TSPAN9: variants seen among roughly 807,000 people sequenced by gnomAD.
The protein encoded by TSPAN9 is tetraspanin 9, also known as tetraspanin-9.
In TSPAN9, 16 loss-of-function variants were observed where a neutral mutation model predicts 31.0. The ratio of observed to expected loss-of-function variants is 0.52; its 90% confidence interval spans 0.35 to 0.78. TSPAN9 has a LOEUF of 0.78. TSPAN9 is among the 30% of genes least tolerant of loss of function. The probability of loss-of-function intolerance (pLI) is 0.01; values close to 1 mark genes in which losing one functional copy is unlikely to be tolerated. For synonymous variants in TSPAN9, 145 were observed against 121.6 expected, an observed-to-expected ratio of 1.19 and a Z score of -1.27; for missense variants, 272 against 312.5, an observed-to-expected ratio of 0.87 and a Z score of 0.98.
In TSPAN9 at chr12:3,187,818, G is replaced by T. The variant is rs1183265960; in HGVS notation, c.-17-13359G>T. Among the ~76,000 whole-genome samples, 2 of 152,082 alleles carry T rather than the reference G, an allele frequency of 1.3e-5. No homozygotes were observed. The highest frequency in any genetic ancestry group is 1.5e-5 in the Non-Finnish European group (1 of 68,032). On this transcript the variant is annotated intron_variant, in intron 2 of 8. Coordinates refer to ENST00000011898, the MANE Select transcript of TSPAN9 (RefSeq NM_006675.5). This position sits in a 1 kb window ranked among gnomAD's most constrained non-coding sequence, Gnocchi z 5.2. ...TTCTCCAAGAAGCCCTTCCTGATGG[G>T]CCAGACTCTCCCTGGGCAGGTCCTC...
chr12:3,198,870 C>CAGCACAGGCCACT (rs2098369435), intron 2 of TSPAN9, among the ~76,000 whole-genome samples: 1 of 149,708 alleles, frequency 6.7e-6, no homozygotes, highest in Non-Finnish European at 1.5e-5. Flanking sequence ...CACAGGCCAC[C>CAGCACAGGCCACT]ACCAGCACAG....
rs1862936952 is a variant in TSPAN9, at chr12:3,283,283, A to G, written c.*167A>G. The G allele has an allele frequency of 1.5e-6, 1 of 659,814 alleles. No individual in the cohort carries two copies. The highest frequency in any genetic ancestry group is 2.4e-6 in the Non-Finnish European group (1 of 410,028). The allele number at this position is 659,814 out of a possible 1,614,324, so 40.9% of individuals were successfully genotyped here. On this transcript the variant is annotated 3_prime_UTR_variant, in exon 9 of 9. Coordinates refer to ENST00000011898, the MANE Select transcript of TSPAN9 (RefSeq NM_006675.5). ...CAGCCTCGGACTTCTCAGTGGGTGGAGTGCCAGGGAGGAGGAGGCACACGG... is the reference window on the plus strand; with the variant it reads ...CAGCCTCGGACTTCTCAGTGGGTGGGGTGCCAGGGAGGAGGAGGCACACGG...
At chr12:3,210,068 C>T (rs865984284) in intron 3 of TSPAN9, among the ~76,000 whole-genome samples, 11 of 146,342 alleles carry the variant, frequency 7.5e-5, no homozygotes, top group Middle Eastern at 3.7e-3. Flanking sequence ...CCCAGGAGGC[C>T]GAGCTTGCAG....
At chr12:3,232,209 T>C (rs557659262) in intron 3 of TSPAN9, among the ~76,000 whole-genome samples, 1 of 152,226 alleles carries the variant, frequency 6.6e-6, no homozygotes, top group Admixed American at 6.5e-5. Context: ...TGGTAAATCC[T>C]GAGAAATGTG....
intron 3 of TSPAN9, among the ~76,000 whole-genome samples, chr12:3,224,207 C>T (rs189019101): frequency 2.0e-3 from 305 of 152,344 alleles, no homozygotes; most frequent in African/African-American, 7.1e-3. Context: ...GGTGGCCCTT[C>T]CATCTCTCTG....
rs114355823 is a variant in TSPAN9, at chr12:3,263,658, A to G, written c.64-14763A>G. 6.4e-3 allele frequency among the ~76,000 whole-genome samples: 971 copies of G among 152,280 alleles called. 10 individuals carry two copies. Among genetic ancestry groups the G allele is most frequent in the African/African-American group, 0.022 (919 of 41,560 alleles). On this transcript the variant is annotated intron_variant, in intron 3 of 8. Coordinates refer to ENST00000011898, the MANE Select transcript of TSPAN9 (RefSeq NM_006675.5). ...AAACCAGGGCCTCTCTGTGCCCAGC[A>G]TTGTGCTTGATACTAGGGAATTGTG... is the stretch of plus-strand genomic sequence containing the variant.
chr12:3,139,570 C>CT (rs1016632956), intron 2 of TSPAN9, among the ~76,000 whole-genome samples: 1 of 150,246 alleles, frequency 6.7e-6, no homozygotes, highest in African/African-American at 2.4e-5. Context: ...ATAACTTTTC[C>CT]TTTTTTTCTT....
intron 1 of TSPAN9, among the ~76,000 whole-genome samples, chr12:3,082,135 T>C (rs1295205026): frequency 6.6e-5 from 10 of 152,170 alleles, no homozygotes; most frequent in Non-Finnish European, 1.5e-4. Context: ...ACAAGGCGAA[T>C]GGCTTCTGAG....
intron 2 of TSPAN9, among the ~76,000 whole-genome samples, chr12:3,166,574 G>C (rs772868316): frequency 1.3e-5 from 2 of 152,234 alleles, no homozygotes; most frequent in Non-Finnish European, 2.9e-5. Flanking sequence ...AATGGAAAAT[G>C]TTCTAACCTT....
intron 2 of TSPAN9, among the ~76,000 whole-genome samples, chr12:3,188,996 C>T (rs777382831): frequency 1.2e-4 from 18 of 152,146 alleles, no homozygotes; most frequent in African/African-American, 1.9e-4. Context: ...CGCTGGTTGC[C>T]GCAGAGGAGC....
At chr12:3,085,895 G>A (rs2098300203) in intron 2 of TSPAN9, among the ~76,000 whole-genome samples, 1 of 152,198 alleles carries the variant, frequency 6.6e-6, no homozygotes, top group African/African-American at 2.4e-5. Context: ...ACTTCTGATA[G>A]GAGCGGACTG....
chr12:3,271,606 G>GA (rs1393205935), intron 3 of TSPAN9, among the ~76,000 whole-genome samples: 1 of 151,858 alleles, frequency 6.6e-6, no homozygotes, highest in East Asian at 1.9e-4. Flanking sequence ...GCCCCTGGGA[G>GA]ACCCGTGTGG....
At chr12:3,158,878 C>T (rs141583066) in intron 2 of TSPAN9, among the ~76,000 whole-genome samples, 11 of 152,028 alleles carry the variant, frequency 7.2e-5, no homozygotes, top group South Asian at 2.1e-4. Flanking sequence ...ACAGTCTTCG[C>T]GGATTAGCTG....
At chr12:3,224,774 C>T (rs552955810) in intron 3 of TSPAN9, among the ~76,000 whole-genome samples, 1 of 152,206 alleles carries the variant, frequency 6.6e-6, no homozygotes, top group Admixed American at 6.5e-5. Flanking sequence ...TCAGCACGGG[C>T]CCCCTGACAG....
intron 3 of TSPAN9, among the ~76,000 whole-genome samples, chr12:3,220,558 C>T (rs978271874): frequency 2.0e-5 from 3 of 152,160 alleles, no homozygotes; most frequent in Non-Finnish European, 4.4e-5. Flanking sequence ...CTGCTGCACC[C>T]GGGCCATTGG....
chr12:3,267,592 A>T (rs143912288), intron 3 of TSPAN9, among the ~76,000 whole-genome samples: 1 of 152,320 alleles, frequency 6.6e-6, no homozygotes, highest in East Asian at 1.9e-4. Context: ...CTTCACAATT[A>T]CTGTGTGCTT....
intron 3 of TSPAN9, among the ~76,000 whole-genome samples, chr12:3,206,752 A>G (rs970013944): frequency 6.6e-6 from 1 of 152,194 alleles, no homozygotes. Flanking sequence ...AGTCAGACAC[A>G]TAAGCAGATC....
intron 3 of TSPAN9, among the ~76,000 whole-genome samples, chr12:3,261,756 C>T (rs1331974596): frequency 2.0e-5 from 3 of 152,318 alleles, no homozygotes; most frequent in South Asian, 4.1e-4. Flanking sequence ...AAAAGAAGCC[C>T]TGAGGGGTAC....
intron 3 of TSPAN9, among the ~76,000 whole-genome samples, chr12:3,255,338 A>C (rs2153978512): frequency 6.6e-6 from 1 of 152,310 alleles, no homozygotes; most frequent in East Asian, 1.9e-4. Flanking sequence ...CCCCAGGCTG[A>C]CCTGGGTTTG....
Sources: allele counts gnomAD v4.1 joint callset (sites outside exome capture counted in the v4.1 genomes callset), GRCh38; gene constraint gnomAD v4.1.1; non-coding constraint Gnocchi (gnomAD v3.1); transcripts MANE v1.5; gene names NCBI Gene and HGNC (gene_info 2026-07-23, HGNC 2026-07-21).